Variants in FMN2 observed in about 807,000 individuals in gnomAD.
The protein encoded by FMN2 is formin-2.
Under a neutral mutation model 142.3 loss-of-function variants are expected in FMN2, and 51 were observed. The ratio of observed to expected loss-of-function variants is 0.36; its 90% CI spans 0.29 to 0.45. The LOEUF (loss-of-function observed/expected upper bound fraction) is 0.45. Among genes scored for constraint, FMN2 ranks in the 20% least tolerant of loss-of-function variants. The probability of loss-of-function intolerance (pLI) is 1.00; values close to 1 mark genes in which losing one functional copy is unlikely to be tolerated. For missense variants in FMN2, 1,936 were observed against 2,122.8 expected (o/e 0.91, Z 1.73); for synonymous variants, 882 against 869.8 (o/e 1.01, Z -0.25).
Position 240,145,140 on chromosome 1 carries a change from G to T in FMN2, c.1782+21795G>T, listed in dbSNP as rs1032076900. 4.0e-6 allele frequency: 6 copies of T among 1,482,662 alleles called. No individual in the cohort carries two copies. In the African/African-American group the frequency reaches 6.9e-5, roughly 17 times the overall value. The allele number at this position is 1,482,662 out of a possible 1,614,324, so 91.8% of individuals were successfully genotyped here. A position where few individuals can be genotyped will look rare whatever the true frequency, so the allele number is the denominator to read the frequency against. On this transcript the variant is annotated intron_variant, in intron 2 of 17. Coordinates refer to ENST00000319653, the MANE Select transcript of FMN2 (RefSeq NM_020066.5). ...GTTGTAGAAGAACGAATCTGCCTTC[G>T]CATTTCCTCCAGCGCTGGTCGATAC... is the stretch of plus-strand genomic sequence containing the variant.
intron 6 of FMN2, among the ~76,000 whole-genome samples, chr1:240,247,861 ATATTTATGAT>A (rs1668131960): frequency 6.6e-6 from 1 of 152,212 alleles, no homozygotes; most frequent in East Asian, 1.9e-4. Flanking sequence ...ATATTTATAC[ATATTTATGAT>A]GTTACATGCA....
intron 1 of FMN2, among the ~76,000 whole-genome samples, chr1:240,098,674 A>G (rs1661307142): frequency 6.6e-6 from 1 of 152,158 alleles, no homozygotes; most frequent in African/African-American, 2.4e-5. Flanking sequence ...TGGCGATGTA[A>G]GCGGGGACCA....
chr1:240,444,961 T>C (rs1380178853), intron 16 of FMN2, among the ~76,000 whole-genome samples: 2 of 152,250 alleles, frequency 1.3e-5, no homozygotes. Flanking sequence ...GGTAGCATTC[T>C]TGCATTGCAT....
intron 1 of FMN2, among the ~76,000 whole-genome samples, chr1:240,122,860 C>T (rs1662338571): frequency 6.6e-6 from 1 of 152,140 alleles, no homozygotes; most frequent in East Asian, 1.9e-4. Context: ...CAAGGCCAGC[C>T]TGGGCAACAT....
rs537130020 is a variant in FMN2, at chr1:240,435,016, C to G, written c.4911-3045C>G. 6.6e-5 allele frequency among the ~76,000 whole-genome samples: 10 copies of G among 152,154 alleles called. 1 individual carries two copies. The East Asian group carries it at 1.7e-3, about 26-fold the overall frequency. On this transcript the variant is annotated intron_variant, in intron 15 of 17. Coordinates refer to ENST00000319653, the MANE Select transcript of FMN2 (RefSeq NM_020066.5). ...CCACATCCAAAGAAATAGCTACCAG[C>G]GAAAGTTTCTTTTTATTGTGACTCA... is the stretch of plus-strand genomic sequence containing the variant.
chr1:240,446,381 T>C lies in FMN2; in HGVS notation c.5060+8171T>C, dbSNP rs546542829. Among the ~76,000 whole-genome samples, 12 of 152,310 alleles carry C rather than the reference T, an allele frequency of 7.9e-5. No homozygotes were observed. In the South Asian group the frequency reaches 1.0e-3, roughly 13 times the overall value. Reference sequence around the variant, plus strand: ...TTTTAGTTTGGTAAGGATTTGAACATTGTAGCATCTTTTAATGAGTGTGTA... The same window carrying C: ...TTTTAGTTTGGTAAGGATTTGAACACTGTAGCATCTTTTAATGAGTGTGTA... On this transcript the variant is annotated intron_variant, in intron 16 of 17. Transcript: ENST00000319653.
At position 240,328,066 on chromosome 1, in the gene FMN2, T is replaced by G. The variant is rs576378511; in HGVS notation, c.4216-1010T>G. The stretch of plus-strand genomic sequence containing the variant: ...AGGAGGCTGAGGCAGGAGAATGGCT[T>G]GAACCCGGGAGGCGCAGGTTGTAGT... On this transcript the variant is annotated intron_variant, in intron 8 of 17. Transcript: ENST00000319653. Among the ~76,000 whole-genome samples, 3 of 146,446 alleles carry G rather than the reference T, an allele frequency of 2.0e-5. No individual in the cohort carries two copies. In the South Asian group the frequency reaches 6.4e-4, roughly 31 times the overall value.
At position 240,459,717 on chromosome 1, in the gene FMN2, T is replaced by TTAAAAAAAA. The variant is rs1471697427; in HGVS notation, c.5061-12655_5061-12654insTAAAAAAAA. Among the ~76,000 whole-genome samples, 57 of 67,132 alleles carry TTAAAAAAAA rather than the reference T, an allele frequency of 8.5e-4. 3 individuals are homozygous for TTAAAAAAAA. The highest frequency in any genetic ancestry group is 2.7e-3 in the African/African-American group (53 of 19,488). 44.0% of individuals were successfully genotyped at this position (67,132 alleles called of 152,430 possible). A position where few individuals can be genotyped will look rare whatever the true frequency, so the allele number is the denominator to read the frequency against. On this transcript the variant is annotated intron_variant, in intron 16 of 17. Coordinates refer to ENST00000319653, the MANE Select transcript of FMN2 (RefSeq NM_020066.5). ...GGGTGACAGAACAAGACTCTGTCTCTAAAAAAAAAAAAAAAAAAAAAAAAA... is the reference window on the plus strand; with the variant it reads ...GGGTGACAGAACAAGACTCTGTCTCTTAAAAAAAAAAAAAAAAAAAAAAAAAAAAAAAAA...
chr1:240,331,994 T>G (rs1009245183), intron 11 of FMN2, among the ~76,000 whole-genome samples: 9 of 152,102 alleles, frequency 5.9e-5, no homozygotes, highest in Non-Finnish European at 8.8e-5. Flanking sequence ...GTCAAAAAAT[T>G]GTAAGATGAA....
At chr1:240,466,581 C>G (rs1265469427) in intron 16 of FMN2, among the ~76,000 whole-genome samples, 1 of 152,180 alleles carries the variant, frequency 6.6e-6, no homozygotes, top group African/African-American at 2.4e-5. Context: ...CTTCACACCT[C>G]CCAGGGGTAG....
intron 16 of FMN2, among the ~76,000 whole-genome samples, chr1:240,452,278 ATTT>A (rs1676086308): frequency 2.0e-5 from 3 of 152,220 alleles, no homozygotes; most frequent in Non-Finnish European, 4.4e-5. Context: ...TTAGGCATTC[ATTT>A]AGAATTTCAA....
chr1:240,472,094 A>ACTC, intron 16 of FMN2: 1 of 300,748 alleles, frequency 3.3e-6, no homozygotes, highest in Non-Finnish European at 6.0e-6. Flanking sequence ...ATAGGATGAA[A>ACTC]TGCATACACA....
intron 13 of FMN2, among the ~76,000 whole-genome samples, chr1:240,352,708 G>C (rs549629774): frequency 6.6e-6 from 1 of 152,332 alleles, no homozygotes; most frequent in East Asian, 1.9e-4. Flanking sequence ...TTTAAGTGAT[G>C]TAACTTGTCT....
chr1:240,246,324 G>A (rs1256946825), intron 6 of FMN2, among the ~76,000 whole-genome samples: 1 of 152,212 alleles, frequency 6.6e-6, no homozygotes, highest in African/African-American at 2.4e-5. Context: ...GGCTGGCGCT[G>A]TGGAACATGG....
chr1:240,402,480 C>G (rs1410062909), intron 15 of FMN2, among the ~76,000 whole-genome samples: 1 of 152,154 alleles, frequency 6.6e-6, no homozygotes, highest in Non-Finnish European at 1.5e-5. Context: ...TGAACCATAC[C>G]CAAAATGCAA....
intron 14 of FMN2, among the ~76,000 whole-genome samples, chr1:240,361,137 A>ATG (rs370166767): frequency 4.5e-4 from 55 of 121,170 alleles, no homozygotes; most frequent in Non-Finnish European, 7.3e-4. Flanking sequence ...AAATAAATAT[A>ATG]TGTGTATATA....
Position 240,344,656 on chromosome 1 carries a change from G to A in FMN2, c.4765+10427G>A, listed in dbSNP as rs151305291. Among the ~76,000 whole-genome samples, 405 of 152,170 alleles carry A rather than the reference G, an allele frequency of 2.7e-3. 1 individual carries two copies. Among genetic ancestry groups the A allele is most frequent in the African/African-American group, 9.0e-3 (374 of 41,524 alleles). On this transcript the variant is annotated intron_variant, in intron 13 of 17. Transcript: ENST00000319653. ...TTTCAAATCATTCAAGTCATTAGTC[G>A]TTGAATTCTAAGATTTGATGCCATT...
rs570381172 is a variant in FMN2 at position 240,342,051 on chromosome 1, A to G, written c.4765+7822A>G. Among the ~76,000 whole-genome samples the G allele has an allele frequency of 2.0e-5, 3 of 152,312 alleles. No homozygotes were observed. The East Asian group carries it at 5.8e-4, about 29-fold the overall frequency. On this transcript the variant is annotated intron_variant, in intron 13 of 17. Transcript: ENST00000319653. ...GTTCTCTCCCATCCCCAGTCCTCAC[A>G]TAAGCCAAGATCTTTATCTATTCCT... is the stretch of plus-strand genomic sequence containing the variant.
intron 7 of FMN2, among the ~76,000 whole-genome samples, chr1:240,272,382 C>G (rs960626845): frequency 6.6e-6 from 1 of 152,096 alleles, no homozygotes; most frequent in Non-Finnish European, 1.5e-5. Flanking sequence ...CAAAAAGATT[C>G]CTTTGGCATA....
Sources: allele counts gnomAD v4.1 joint callset (sites outside exome capture counted in the v4.1 genomes callset), GRCh38; gene constraint gnomAD v4.1.1; transcripts MANE v1.5; gene names NCBI Gene and HGNC (gene_info 2026-07-23, HGNC 2026-07-21).